The following PLEKHA6 variants were observed in gnomAD, a reference collection of about 807,000 sequenced individuals.
The protein encoded by PLEKHA6 is pleckstrin homology domain containing A6.
PLEKHA6 carries 60 observed loss-of-function variants against 116.7 expected under a neutral mutation model. The observed-to-expected ratio is 0.51, with a 90% CI of 0.42 to 0.64. The LOEUF is 0.64. PLEKHA6 is among the 30% of genes least tolerant of loss of function. The pLI is 0.00. For missense variants in PLEKHA6, 1,338 were observed against 1,422.7 expected (o/e 0.94, Z 0.96); for synonymous variants, 489 against 556.1 (o/e 0.88, Z 1.70).
intron 1 of PLEKHA6, among the ~76,000 whole-genome samples, chr1:204,358,883 CCTT>C (rs1425947176): frequency 6.6e-6 from 1 of 151,792 alleles, no homozygotes; most frequent in Admixed American, 6.6e-5. Flanking sequence ...GCCTCTTCTC[CCTT>C]CTTCTCCCTT....
intron 1 of PLEKHA6, among the ~76,000 whole-genome samples, chr1:204,329,882 C>G (rs1441982750): frequency 1.4e-5 from 2 of 140,268 alleles, no homozygotes; most frequent in African/African-American, 5.3e-5. Context: ...AAGTGAGACC[C>G]TGTCTCAAAA....
intron 1 of PLEKHA6, among the ~76,000 whole-genome samples, chr1:204,292,249 C>A (rs1388300018): frequency 1.3e-5 from 2 of 152,216 alleles, no homozygotes; most frequent in South Asian, 4.1e-4. Context: ...ATCATTATCT[C>A]ATTTGGTTCT....
At chr1:204,252,151 G>C (rs1382075349) in intron 9 of PLEKHA6, among the ~76,000 whole-genome samples, 1 of 148,472 alleles carries the variant, frequency 6.7e-6, no homozygotes, top group Non-Finnish European at 1.5e-5. Flanking sequence ...GGTTTCCAGA[G>C]CTGGGCTGGC....
chr1:204,334,620 C>T (rs573257082), intron 1 of PLEKHA6, among the ~76,000 whole-genome samples: 264 of 152,214 alleles, frequency 1.7e-3, no homozygotes, highest in African/African-American at 4.3e-3. Flanking sequence ...CTTGACAGGG[C>T]GCAGTGGGTG....
intron 1 of PLEKHA6, among the ~76,000 whole-genome samples, chr1:204,298,329 T>C (rs1359708317): frequency 2.0e-5 from 3 of 152,220 alleles, no homozygotes; most frequent in Admixed American, 6.5e-5. Context: ...AACAATGAGC[T>C]TTCCAACAGT....
intron 17 of PLEKHA6, among the ~76,000 whole-genome samples, chr1:204,234,972 AT>A (rs1558030850): frequency 1.4e-3 from 18 of 12,944 alleles, no homozygotes; most frequent in Non-Finnish European, 2.1e-3. Flanking sequence ...ATATATATAT[AT>A]ATATATATAT....
intron 9 of PLEKHA6, among the ~76,000 whole-genome samples, chr1:204,253,229 A>G (rs1664804288): frequency 6.6e-6 from 1 of 152,076 alleles, no homozygotes; most frequent in Admixed American, 6.6e-5. Context: ...CTCCCAATAC[A>G]TCTGTGAGGT....
At chr1:204,229,499 C>T (rs1013405171) in intron 18 of PLEKHA6, among the ~76,000 whole-genome samples, 48 of 152,236 alleles carry the variant, frequency 3.2e-4, no homozygotes, top group African/African-American at 1.1e-3. Flanking sequence ...CTGCAGTCTC[C>T]AACTCCTGGC....
At position 204,259,700 on chromosome 1, in the gene PLEKHA6, G is replaced by C. The variant is rs201770834; in HGVS notation, c.565C>G (p.His189Asp). 7.4e-5 allele frequency: 119 copies of C among 1,613,504 alleles called. 1 individual carries two copies. Among genetic ancestry groups the C allele is most frequent in the Admixed American group, 4.0e-4 (24 of 59,984 alleles). The stretch of plus-strand genomic sequence containing the variant: ...CTGTTGTGGGGTGGCTGCTGGTGGT[G>C]CTTGCTGGGTGGGACGTTCTCCGAG... ...PDSENVPPSKHHQQPPHNSLP... is the reference protein window; with the variant it reads ...PDSENVPPSKDHQQPPHNSLP... Residue 189 changes from histidine to aspartate, a missense_variant, in exon 8 of 23, where the codon CAC becomes GAC. Coordinates refer to ENST00000272203, the MANE Select transcript of PLEKHA6 (RefSeq NM_014935.5). This position sits in a 1 kb window ranked among gnomAD's most constrained non-coding sequence, Gnocchi z 4.6.
chr1:204,288,370 C>T (rs1188210603), intron 1 of PLEKHA6, among the ~76,000 whole-genome samples: 5 of 152,184 alleles, frequency 3.3e-5, no homozygotes, highest in African/African-American at 9.7e-5. Flanking sequence ...GTAATGCTGC[C>T]GCCTCCCATG....
At chr1:204,258,555 A>C (rs960668594) in intron 8 of PLEKHA6, among the ~76,000 whole-genome samples, 4 of 152,226 alleles carry the variant, frequency 2.6e-5, no homozygotes, top group African/African-American at 9.6e-5. Flanking sequence ...GCAGCCGCTC[A>C]GGCCACTAGA....
Position 204,261,401 on chromosome 1 carries a change from G to C in PLEKHA6, c.429C>G (p.Pro143=). ...CCTGGATCCAGGCCTCTTGCTCCTC[G>C]GGGCTCTCGGCACTGAAGAAGTAGG... ...VRTYFFSAES[P]EEQEAWIQAM... is the part of the protein sequence containing the mutation. The change falls in exon 7 of 23, where the codon CCC becomes CCG. Residue 143 remains proline (P), a synonymous_variant. Transcript: ENST00000272203. The surrounding 1 kb of genome is among the most constrained non-coding windows in gnomAD (Gnocchi z 4.0). The C allele has an allele frequency of 6.2e-7, 1 of 1,613,948 alleles. No homozygotes were observed. Among genetic ancestry groups the C allele is most frequent in the Non-Finnish European group, 8.5e-7 (1 of 1,179,940 alleles).
rs1659565580 is a variant in PLEKHA6, at chr1:204,220,884, A to T, written c.*1904T>A. On this transcript the variant is annotated 3_prime_UTR_variant, in exon 23 of 23. Coordinates refer to ENST00000272203, the MANE Select transcript of PLEKHA6 (RefSeq NM_014935.5). ...TGGTATTTTACATGTATTTCTAAAA[A>T]ATATTACTTTAAAAAAAAAAAAAGA... 1 of 152,364 alleles carries T rather than the reference A, an allele frequency of 6.6e-6. No individual in the cohort carries two copies. Among genetic ancestry groups the T allele is most frequent in the Non-Finnish European group, 1.5e-5 (1 of 68,004 alleles). The allele number at this position is 152,364 out of a possible 1,614,324, so 9.4% of individuals were successfully genotyped here.
intron 1 of PLEKHA6, among the ~76,000 whole-genome samples, chr1:204,349,432 T>C (rs1205098802): frequency 1.3e-5 from 2 of 151,560 alleles, no homozygotes; most frequent in Non-Finnish European, 2.9e-5. Flanking sequence ...TCCCAGCTAC[T>C]TGGGAGGCTG....
intron 13 of PLEKHA6, 83 bp from the exon 14 acceptor site, chr1:204,245,809 C>T: frequency 2.1e-6 from 2 of 952,632 alleles, no homozygotes; most frequent in Non-Finnish European, 3.3e-6. Context: ...CCTTGGAACC[C>T]ACATCCCTTT....
intron 1 of PLEKHA6, among the ~76,000 whole-genome samples, chr1:204,352,666 C>T (rs905517428): frequency 4.6e-5 from 7 of 152,206 alleles, no homozygotes; most frequent in Admixed American, 1.3e-4. Flanking sequence ...CACTCATCTG[C>T]TCCCTTACAA....
intron 1 of PLEKHA6, among the ~76,000 whole-genome samples, chr1:204,305,338 G>A (rs886425830): frequency 7.8e-4 from 118 of 152,248 alleles, no homozygotes; most frequent in African/African-American, 2.6e-3. Context: ...GCAGTACTGC[G>A]GCACGCTGGA....
intron 15 of PLEKHA6, among the ~76,000 whole-genome samples, chr1:204,242,283 CCAT>C (rs1286375984): frequency 6.6e-6 from 1 of 152,200 alleles, no homozygotes; most frequent in Non-Finnish European, 1.5e-5. Context: ...GAGACCTCAG[CCAT>C]CATCTGAGCC....
At chr1:204,350,055 T>C (rs1360902068) in intron 1 of PLEKHA6, among the ~76,000 whole-genome samples, 1 of 152,132 alleles carries the variant, frequency 6.6e-6, no homozygotes, top group Admixed American at 6.5e-5. Context: ...GGCGCAGTGG[T>C]TCATGTCTGT....
Sources: gnomAD v4.1 joint callset for allele counts (sites outside exome capture counted in the v4.1 genomes callset) on GRCh38, gnomAD v4.1.1 for gene constraint, Gnocchi (gnomAD v3.1) non-coding constraint, MANE v1.5 for transcripts, NCBI Gene and HGNC (gene_info 2026-07-23, HGNC 2026-07-21) for gene names.